HMGA2: variants seen among roughly 807,000 people sequenced by gnomAD.
HMGA2 encodes high mobility group AT-hook 2.
Under a neutral mutation model 19.1 loss-of-function variants are expected in HMGA2, and 8 were observed. The observed-to-expected ratio is 0.42, with a 90% CI of 0.25 to 0.76. The LOEUF is 0.76. HMGA2 is among the 30% of genes least tolerant of loss of function. The probability of loss-of-function intolerance (pLI) is 0.28; values close to 1 mark genes in which losing one functional copy is unlikely to be tolerated. For synonymous variants in HMGA2, 60 were observed against 48.8 expected (o/e 1.23, Z -0.96); for missense variants, 109 against 136.3 (o/e 0.80, Z 1.00).
intron 3 of HMGA2, chr12:65,866,728 A>C: frequency 2.3e-6 from 1 of 435,576 alleles, no homozygotes; most frequent in South Asian, 1.6e-5. Flanking sequence ...AAATTTAAGA[A>C]GGCAGTTATT....
chr12:65,958,298 A>G (rs907353126), intron 4 of HMGA2: 2 of 152,258 alleles, frequency 1.3e-5, no homozygotes, highest in African/African-American at 2.4e-5. Flanking sequence ...ATTGCTGTCA[A>G]TATCTCAACT....
chr12:65,834,820 T>G (rs916643095), intron 2 of HMGA2, among the ~76,000 whole-genome samples: 1 of 152,196 alleles, frequency 6.6e-6, no homozygotes, highest in Non-Finnish European at 1.5e-5. Flanking sequence ...AAAGAAATAA[T>G]TATATTTCCC....
chr12:65,895,713 T>C (rs1026747668), intron 3 of HMGA2, among the ~76,000 whole-genome samples: 1 of 152,204 alleles, frequency 6.6e-6, no homozygotes, highest in African/African-American at 2.4e-5. Context: ...TGCCTTAACT[T>C]ACCTTCTTTG....
intron 3 of HMGA2, among the ~76,000 whole-genome samples, chr12:65,931,499 C>T (rs980094430): frequency 6.6e-6 from 1 of 151,608 alleles, no homozygotes; most frequent in Non-Finnish European, 1.5e-5. Context: ...TATAACTGCT[C>T]TACTTATCAA....
At chr12:65,877,848 T>C (rs1316770374) in intron 3 of HMGA2, among the ~76,000 whole-genome samples, 1 of 152,092 alleles carries the variant, frequency 6.6e-6, no homozygotes, top group Non-Finnish European at 1.5e-5. Context: ...TTATTTGTCA[T>C]CCAAGAGAAG....
chr12:65,956,110 A>G (rs1251633093), intron 4 of HMGA2: 1 of 152,242 alleles, frequency 6.6e-6, no homozygotes, highest in Non-Finnish European at 1.5e-5. Context: ...AGTGCAGTAA[A>G]TAGTTCATAA....
chr12:65,845,333 A>G (rs1871188864), intron 3 of HMGA2, among the ~76,000 whole-genome samples: 1 of 152,056 alleles, frequency 6.6e-6, no homozygotes, highest in Non-Finnish European at 1.5e-5. Flanking sequence ...CAGTGGCAAA[A>G]TCTCAGCTCA....
chr12:65,865,934 G>A (rs1016110511), intron 3 of HMGA2, among the ~76,000 whole-genome samples: 4 of 151,816 alleles, frequency 2.6e-5, no homozygotes, highest in South Asian at 4.2e-4. Flanking sequence ...GAGCCACCAC[G>A]CCTAGCCATC....
At chr12:65,939,396 C>T (rs1394142872) in intron 3 of HMGA2, among the ~76,000 whole-genome samples, 2 of 151,864 alleles carry the variant, frequency 1.3e-5, no homozygotes, top group Admixed American at 6.6e-5. Flanking sequence ...CGCTCTGTCA[C>T]CCAGGCTAGA....
intron 3 of HMGA2, among the ~76,000 whole-genome samples, chr12:65,896,273 T>C (rs1223174890): frequency 1.3e-5 from 2 of 152,244 alleles, no homozygotes; most frequent in African/African-American, 4.8e-5. Flanking sequence ...GAAGGGCTTG[T>C]GCTCCCAGGA....
At chr12:65,860,408 TAAAGCCAAAA>T (rs747323758) in intron 3 of HMGA2, among the ~76,000 whole-genome samples, 2 of 152,238 alleles carry the variant, frequency 1.3e-5, no homozygotes, top group Non-Finnish European at 2.9e-5. Context: ...CACACCATCG[TAAAGCCAAAA>T]AATTCCAGTC....
chr12:65,867,632 A>G, intron 3 of HMGA2: 4 of 337,072 alleles, frequency 1.2e-5, no homozygotes, highest in South Asian at 9.7e-5. Context: ...GTAAAAGTGG[A>G]GGATATGAGT....
chr12:65,913,871 C>T (rs929143404), intron 3 of HMGA2, among the ~76,000 whole-genome samples: 1 of 152,184 alleles, frequency 6.6e-6, no homozygotes, highest in Non-Finnish European at 1.5e-5. Flanking sequence ...TCTTCCCTTT[C>T]GTTATACTCT....
At chr12:65,874,678 G>A (rs1317169604) in intron 3 of HMGA2, among the ~76,000 whole-genome samples, 1 of 151,998 alleles carries the variant, frequency 6.6e-6, no homozygotes, top group Non-Finnish European at 1.5e-5. Flanking sequence ...CTTAAGACTT[G>A]GCAAGATATC....
At chr12:65,887,039 A>G (rs914920471) in intron 3 of HMGA2, among the ~76,000 whole-genome samples, 17 of 152,210 alleles carry the variant, frequency 1.1e-4, no homozygotes, top group Non-Finnish European at 1.3e-4. Flanking sequence ...GCTCAAAAAT[A>G]TAGAAAGCCA....
At chr12:65,828,344 C>T (rs545357309) in intron 2 of HMGA2, 81 of 191,754 alleles carry the variant, frequency 4.2e-4, no homozygotes, top group African/African-American at 2.7e-3. Context: ...AACCTTAAAA[C>T]GGGTAGAAGT....
intron 3 of HMGA2, among the ~76,000 whole-genome samples, chr12:65,880,703 T>C (rs1029582185): frequency 1.3e-5 from 2 of 152,206 alleles, no homozygotes; most frequent in African/African-American, 2.4e-5. Context: ...TAAATGCTTA[T>C]TTAATGTTTA....
chr12:65,879,989 T>A (rs1187577079), intron 3 of HMGA2, among the ~76,000 whole-genome samples: 1 of 152,224 alleles, frequency 6.6e-6, no homozygotes, highest in African/African-American at 2.4e-5. Context: ...CCAAGTGAAT[T>A]ATTGCTGTGC....
At chr12:65,888,753 C>T (rs557041311) in intron 3 of HMGA2, among the ~76,000 whole-genome samples, 41 of 151,164 alleles carry the variant, frequency 2.7e-4, no homozygotes, top group African/African-American at 9.9e-4. Flanking sequence ...TTAGTAGAGA[C>T]GGGGTTTCAC....
Sources: allele counts gnomAD v4.1 joint callset (sites outside exome capture counted in the v4.1 genomes callset), GRCh38; gene constraint gnomAD v4.1.1; transcripts MANE v1.5; gene names NCBI Gene and HGNC (gene_info 2026-07-23, HGNC 2026-07-21).